ZNF407: variants seen among roughly 807,000 people sequenced by gnomAD.
The protein encoded by ZNF407 is zinc finger protein 407.
A neutral mutation model predicts 131.2 loss-of-function variants in ZNF407; 17 were observed. That is an observed-to-expected ratio of 0.13 (90% CI 0.09 to 0.19). The LOEUF (loss-of-function observed/expected upper bound fraction) is 0.19. Among genes scored for constraint, ZNF407 ranks in the 10% least tolerant of loss-of-function variants. ZNF407 has a pLI of 1.00. For synonymous variants in ZNF407, 1,156 were observed against 1,062.0 expected, an observed-to-expected ratio of 1.09 and a Z score of -1.72; for missense variants, 2,681 against 2,830.6, an observed-to-expected ratio of 0.95 and a Z score of 1.20.
chr18:74,838,274 A>G (rs916636980), intron 4 of ZNF407, among the ~76,000 whole-genome samples: 5 of 152,198 alleles, frequency 3.3e-5, no homozygotes, highest in African/African-American at 1.2e-4. Context: ...GCATCTTCCA[A>G]TATGAAGCTG....
At chr18:74,849,378 G>T (rs1056175576) in intron 4 of ZNF407, among the ~76,000 whole-genome samples, 1 of 152,084 alleles carries the variant, frequency 6.6e-6, no homozygotes. Flanking sequence ...GCACCCCGCC[G>T]TTTCTTTGCT....
chr18:74,715,427 A>T (rs1421100439), intron 3 of ZNF407, among the ~76,000 whole-genome samples: 3 of 152,236 alleles, frequency 2.0e-5, no homozygotes, highest in Admixed American at 6.5e-5. Context: ...AAAGTCATGC[A>T]GCCAGTGGAA....
chr18:75,015,867 T>C (rs1341041481), intron 8 of ZNF407, among the ~76,000 whole-genome samples: 1 of 152,048 alleles, frequency 6.6e-6, no homozygotes, highest in Non-Finnish European at 1.5e-5. Context: ...CTTCTGACAT[T>C]GCAGTTATCA....
intron 3 of ZNF407, among the ~76,000 whole-genome samples, chr18:74,730,114 A>T (rs914642875): frequency 3.3e-5 from 5 of 152,196 alleles, no homozygotes; most frequent in Admixed American, 3.3e-4. Flanking sequence ...CACCAATGAG[A>T]TCATGTTCAT....
chr18:74,864,386 A>G (rs1044758180), intron 4 of ZNF407, among the ~76,000 whole-genome samples: 1 of 152,202 alleles, frequency 6.6e-6, no homozygotes, highest in South Asian at 2.1e-4. Context: ...TAAGGCTGAA[A>G]AAACAAGTAA....
chr18:74,886,213 G>T (rs1002192816), intron 6 of ZNF407, among the ~76,000 whole-genome samples: 28 of 152,184 alleles, frequency 1.8e-4, no homozygotes, highest in African/African-American at 6.5e-4. Flanking sequence ...CACATGGAAA[G>T]ATCCTCGGCA....
chr18:74,658,966 T>C (rs1174427250), intron 3 of ZNF407, among the ~76,000 whole-genome samples: 1 of 152,202 alleles, frequency 6.6e-6, no homozygotes, highest in Non-Finnish European at 1.5e-5. Context: ...AATTAAAATC[T>C]ATTGTATACA....
chr18:75,042,820 C>T (rs1423224433), intron 8 of ZNF407, among the ~76,000 whole-genome samples: 3 of 152,224 alleles, frequency 2.0e-5, no homozygotes, highest in Non-Finnish European at 4.4e-5. Context: ...AGGTACCCAT[C>T]TATTTCACTT....
intron 1 of ZNF407, among the ~76,000 whole-genome samples, chr18:74,624,715 C>T (rs974557392): frequency 3.9e-5 from 6 of 152,188 alleles, no homozygotes; most frequent in East Asian, 3.8e-4. Context: ...TGGTAGAAAG[C>T]CAGTGCCGTG....
chr18:74,944,065 C>A (rs973687420), intron 8 of ZNF407, among the ~76,000 whole-genome samples: 6 of 152,070 alleles, frequency 3.9e-5, no homozygotes, highest in African/African-American at 1.4e-4. Context: ...TATATATAAT[C>A]CATCTAATTA....
chr18:74,715,512 A>G (rs1011588344), intron 3 of ZNF407, among the ~76,000 whole-genome samples: 6 of 152,198 alleles, frequency 3.9e-5, no homozygotes, highest in Non-Finnish European at 5.9e-5. Flanking sequence ...ATCCCATCAC[A>G]GGATTTTCAG....
At chr18:75,026,190 A>G (rs1425715534) in intron 8 of ZNF407, among the ~76,000 whole-genome samples, 1 of 152,242 alleles carries the variant, frequency 6.6e-6, no homozygotes, top group Admixed American at 6.5e-5. Context: ...ATGCCCAAAA[A>G]TGTTTACCTA....
intron 4 of ZNF407, among the ~76,000 whole-genome samples, chr18:74,831,412 C>G (rs1970481453): frequency 6.6e-6 from 1 of 152,174 alleles, no homozygotes; most frequent in Non-Finnish European, 1.5e-5. Flanking sequence ...AACAGTAACT[C>G]TCTGTTTTTT....
At chr18:74,837,596 C>T (rs1419620634) in intron 4 of ZNF407, among the ~76,000 whole-genome samples, 1 of 151,932 alleles carries the variant, frequency 6.6e-6, no homozygotes, top group Admixed American at 6.6e-5. Context: ...ATTCTAATGC[C>T]TATCTTTGCT....
At chr18:74,873,298 T>A (rs545687836) in intron 4 of ZNF407, among the ~76,000 whole-genome samples, 1 of 152,176 alleles carries the variant, frequency 6.6e-6, no homozygotes, top group Admixed American at 6.5e-5. Context: ...AAATTTTCAG[T>A]CTAAAGATGT....
intron 4 of ZNF407, among the ~76,000 whole-genome samples, chr18:74,850,403 G>A (rs987436223): frequency 6.6e-6 from 1 of 152,092 alleles, no homozygotes; most frequent in African/African-American, 2.4e-5. Context: ...TGTCCAGGGT[G>A]TCATCTTAAT....
intron 4 of ZNF407, among the ~76,000 whole-genome samples, chr18:74,789,193 T>A (rs1287620936): frequency 6.6e-6 from 1 of 152,074 alleles, no homozygotes; most frequent in Admixed American, 6.6e-5. Flanking sequence ...CTGGGAGAGG[T>A]ACTACTTTAG....
At chr18:74,995,395 C>T (rs565479704) in intron 8 of ZNF407, among the ~76,000 whole-genome samples, 17 of 152,012 alleles carry the variant, frequency 1.1e-4, no homozygotes, top group Non-Finnish European at 1.2e-4. Flanking sequence ...GAGGGTGATT[C>T]GATCCTACAC....
intron 8 of ZNF407, among the ~76,000 whole-genome samples, chr18:75,043,288 T>C (rs969249487): frequency 6.6e-6 from 1 of 152,244 alleles, no homozygotes; most frequent in Non-Finnish European, 1.5e-5. Context: ...CATCTTTTCA[T>C]GTATCCATGT....
Sources: gnomAD v4.1 joint callset for allele counts (sites outside exome capture counted in the v4.1 genomes callset) on GRCh38, gnomAD v4.1.1 for gene constraint, MANE v1.5 for transcripts, NCBI Gene and HGNC (gene_info 2026-07-23, HGNC 2026-07-21) for gene names.